The following PKP3 variants were observed in gnomAD, a reference collection of about 807,000 sequenced individuals.
The protein encoded by PKP3 is plakophilin 3.
PKP3 carries 66 observed loss-of-function variants against 76.5 expected under a neutral mutation model. The observed-to-expected ratio is 0.86, with a 90% confidence interval of 0.71 to 1.06. The LOEUF (loss-of-function observed/expected upper bound fraction) is 1.06. Among genes scored for constraint, PKP3 ranks in the 50% least tolerant of loss-of-function variants. PKP3 has a pLI of 0.00. For missense variants in PKP3, 1,338 were observed against 1,141.0 expected (o/e 1.17, Z -2.49); for synonymous variants, 638 against 516.5 (o/e 1.24, Z -3.19).
In PKP3 at chr11:394,448, C is replaced by T. The variant is rs1391005166; in HGVS notation, c.156C>T (p.Ala52=). 15 of 1,452,686 alleles carry T rather than the reference C, an allele frequency of 1.0e-5. No individual in the cohort carries two copies. Among genetic ancestry groups the T allele is most frequent in the East Asian group, 2.9e-5 (1 of 34,512 alleles). 90.0% of individuals were successfully genotyped at this position (1,452,686 alleles called of 1,614,324 possible). A position where few individuals can be genotyped will look rare whatever the true frequency, so the allele number is the denominator to read the frequency against. The change falls in exon 1 of 13, where the codon GCC becomes GCT. Residue 52 remains alanine, a synonymous_variant. Transcript: ENST00000331563. ...RAARVQEQVR[A]RLLQLGQQPR... ...CCCGCGTCCAGGAGCAGGTCCGCGC[C>T]CGCCTCTTGCAGCTGGGACAGCAGC... is the stretch of plus-strand genomic sequence containing the variant.
At chr11:399,473 A>C (rs1228220117) in intron 5 of PKP3, among the ~76,000 whole-genome samples, 3 of 5,024 alleles carry the variant, frequency 6.0e-4, no homozygotes, top group Admixed American at 6.2e-3. Flanking sequence ...TGTCCCCCCC[A>C]CCTGGCCCCC....
At chr11:394,100 G>A (rs1467647791), upstream of PKP3, 17 of 795,578 alleles carry the variant, frequency 2.1e-5, no homozygotes, top group South Asian at 1.7e-4. Flanking sequence ...AGCAGGCGGC[G>A]GCCCCTCCCT....
Position 400,323 on chromosome 11 carries a change from T to G in PKP3, c.1449-11T>G, listed in dbSNP as rs1385194420. On this transcript the variant is annotated splice_polypyrimidine_tract_variant and intron_variant, in intron 6 of 12. Coordinates refer to ENST00000331563, the MANE Select transcript of PKP3 (RefSeq NM_007183.4). ...GGTCCCTGGGGGGCTCTGATCCACCTCGGTCCCCAGGAACCTCAGCTCAGC... is the reference window on the plus strand; with the variant it reads ...GGTCCCTGGGGGGCTCTGATCCACCGCGGTCCCCAGGAACCTCAGCTCAGC... 2 of 1,543,052 alleles carry G rather than the reference T, an allele frequency of 1.3e-6. No homozygotes were observed. Among genetic ancestry groups the G allele is most frequent in the African/African-American group, 2.7e-5 (2 of 72,902 alleles).
Position 397,338 on chromosome 11 carries a change from A to G in PKP3, c.837A>G (p.Pro279=). 2 of 1,581,352 alleles carry G rather than the reference A, an allele frequency of 1.3e-6. No homozygotes were observed. The highest frequency in any genetic ancestry group is 1.7e-4 in the Middle Eastern group (1 of 5,896). ...GAVLEPVARA[P]SVRSLSLSLA... ...TCCTGGAGCCAGTGGCTCGAGCGCC[A>G]TCTGTGCGCAGCCTCAGCCTCAGCC... Residue 279 remains proline, a synonymous_variant, in exon 3 of 13, where the codon CCA becomes CCG. Coordinates refer to ENST00000331563, the MANE Select transcript of PKP3 (RefSeq NM_007183.4).
chr11:394,400 G>T lies in PKP3; in HGVS notation c.108G>T (p.Pro36=). The change falls in exon 1 of 13, where the codon CCG becomes CCT. Residue 36 remains proline, a synonymous_variant. Transcript: ENST00000331563. ...TGGACCGCCGGGGCGCCGAGGGGCC[G>T]GAGGCCGAGCGGCTGCGGGCAGCCC... ...LQLDRRGAEG[P]EAERLRAARV... 2.0e-6 allele frequency: 3 copies of T among 1,482,754 alleles called. No homozygotes were observed. Among genetic ancestry groups the T allele is most frequent in the South Asian group, 2.6e-5 (2 of 78,190 alleles). The allele number at this position is 1,482,754 out of a possible 1,614,324, so 91.8% of individuals were successfully genotyped here. A position where few individuals can be genotyped will look rare whatever the true frequency, so the allele number is the denominator to read the frequency against.
At position 399,151 on chromosome 11, in the gene PKP3, C is replaced by G; in HGVS notation, c.1228C>G (p.Arg410Gly). 1.2e-6 allele frequency: 2 copies of G among 1,610,800 alleles called. No individual in the cohort carries two copies. Among genetic ancestry groups the G allele is most frequent in the East Asian group, 2.2e-5 (1 of 44,790 alleles). The change falls in exon 5 of 13, where the codon CGG becomes GGG. Residue 410 changes from arginine (R) to glycine (G), a missense_variant. Arg to Gly is a moderately radical substitution (Grantham distance 125). Coordinates refer to ENST00000331563, the MANE Select transcript of PKP3 (RefSeq NM_007183.4). The stretch of plus-strand genomic sequence containing the variant: ...GGAGAACGGGATCTTCGAGCTGCTG[C>G]GGACACTGCGGGAGCAGGATGATGA... The part of the protein sequence containing the change: ...VEENGIFELL[R>G]TLREQDDELR...
Position 404,284 on chromosome 11 carries a change from C to A in PKP3, c.2319C>A (p.Asn773Lys), listed in dbSNP as rs1170422464. The A allele has an allele frequency of 2.5e-6, 4 of 1,612,550 alleles. No individual in the cohort carries two copies. Among genetic ancestry groups the A allele is most frequent in the Admixed American group, 1.7e-5 (1 of 59,998 alleles). Residue 773 changes from asparagine to lysine, a missense_variant, in exon 12 of 13, where the codon AAC (asparagine) becomes AAA (lysine). Coordinates refer to ENST00000331563, the MANE Select transcript of PKP3 (RefSeq NM_007183.4). The surrounding 1 kb of genome is among the most constrained non-coding windows in gnomAD (Gnocchi z 4.2). ...SSRAASSLLA[N>K]LWQYNKLHRD... ...GGGCAGCATCCAGCCTCCTGGCCAA[C>A]CTGTGGCAGTACAACAAGCTCCACC...
At chr11:393,814 C>T (rs1847006392), upstream of PKP3, among the ~76,000 whole-genome samples, 1 of 152,136 alleles carries the variant, frequency 6.6e-6, no homozygotes, top group South Asian at 2.1e-4. Flanking sequence ...ACCTAGGGCC[C>T]TAGACCCCCA....
intron 5 of PKP3, 49 bp from the exon 6 acceptor site, chr11:399,918 G>C: frequency 4.1e-6 from 6 of 1,477,754 alleles, no homozygotes; most frequent in Non-Finnish European, 5.5e-6. Flanking sequence ...CCAGAAACGC[G>C]GAGGGGGTTG....
chr11:397,231 C>G lies in PKP3; in HGVS notation c.730C>G (p.Arg244Gly). 2 of 1,599,432 alleles carry G rather than the reference C, an allele frequency of 1.3e-6. No homozygotes were observed. Among genetic ancestry groups the G allele is most frequent in the Non-Finnish European group, 1.7e-6 (2 of 1,178,822 alleles). ...ATEVSPSRTI[R>G]APAVRTLQRF... Reference sequence around the variant, plus strand: ...TGAGGTTTCCCCGAGCCGGACCATCCGTGCCCCTGCCGTGCGGACCCTGCA... The same window carrying G: ...TGAGGTTTCCCCGAGCCGGACCATCGGTGCCCCTGCCGTGCGGACCCTGCA... Residue 244 changes from arginine (R) to glycine (G), a missense_variant, in exon 3 of 13, where the codon CGT becomes GGT. Arg to Gly is a moderately radical substitution (Grantham distance 125). Coordinates refer to ENST00000331563, the MANE Select transcript of PKP3 (RefSeq NM_007183.4).
intron 1 of PKP3, 55 bp downstream of exon 1, chr11:394,579 G>A: frequency 7.6e-7 from 1 of 1,307,996 alleles, no homozygotes; most frequent in South Asian, 1.8e-5. Context: ...GTGGCTGCGG[G>A]CGGACGTGAT....
Position 394,275 on chromosome 11 carries a change from C to G in PKP3, c.-18C>G. On this transcript the variant is annotated 5_prime_UTR_variant, in exon 1 of 13. Coordinates refer to ENST00000331563, the MANE Select transcript of PKP3 (RefSeq NM_007183.4). ...TTTGGAGGCGGCCGCCAGGCCCAGG[C>G]CCGGTGGACCTGCCGCCATGCAGGA... 1 of 1,492,286 alleles carries G rather than the reference C, an allele frequency of 6.7e-7. No individual in the cohort carries two copies. The highest frequency in any genetic ancestry group is 8.9e-7 in the Non-Finnish European group (1 of 1,128,128). 92.4% of individuals were successfully genotyped at this position (1,492,286 alleles called of 1,614,324 possible).
Position 397,117 on chromosome 11 carries a change from G to T in PKP3, c.616G>T (p.Ala206Ser). The T allele has an allele frequency of 6.3e-7, 1 of 1,597,924 alleles. No homozygotes were observed. The highest frequency in any genetic ancestry group is 8.5e-7 in the Non-Finnish European group (1 of 1,179,254). The stretch of plus-strand genomic sequence containing the variant: ...GGTGTCTGAGCAGCTGGAGCCCGCG[G>T]CCACCTCCACCTACAGGGCCTTTGC... ...SLVSEQLEPA[A>S]TSTYRAFAYE... The change falls in exon 3 of 13, where the codon GCC becomes TCC. Residue 206 changes from alanine (A) to serine (S), a missense_variant. Ala to Ser is a moderately conservative substitution (Grantham distance 99). Transcript: ENST00000331563.
intron 1 of PKP3, 40 bp from the exon 2 acceptor site, chr11:396,568 C>A: frequency 7.1e-7 from 1 of 1,417,022 alleles, no homozygotes; most frequent in Non-Finnish European, 9.8e-7. Context: ...CAGTGCTTTG[C>A]TGTGTGGCAG....
Position 397,348 on chromosome 11 carries a change from A to T in PKP3, c.847A>T (p.Ser283Cys). ...EPVARAPSVR[S>C]LSLSLADSGH... ...AGTGGCTCGAGCGCCATCTGTGCGCAGCCTCAGCCTCAGCCTGGCTGACTC... is the reference window on the plus strand; with the variant it reads ...AGTGGCTCGAGCGCCATCTGTGCGCTGCCTCAGCCTCAGCCTGGCTGACTC... Residue 283 changes from serine (S) to cysteine (C), a missense_variant, in exon 3 of 13, where the codon AGC becomes TGC. Transcript: ENST00000331563. 6.3e-7 allele frequency: 1 copy of T among 1,589,374 alleles called. No homozygotes were observed.
In PKP3 at chr11:399,067, A is replaced by G. The variant is rs1421367105; in HGVS notation, c.1144A>G (p.Thr382Ala). The G allele has an allele frequency of 1.2e-6, 2 of 1,611,240 alleles. No homozygotes were observed. The highest frequency in any genetic ancestry group is 3.3e-5 in the Admixed American group (2 of 59,920). ...CAACCAGGAAGTGCAGCGCCATGCCACAGGTGCCATGCGCAACCTCATCTA... is the reference window on the plus strand; with the variant it reads ...CAACCAGGAAGTGCAGCGCCATGCCGCAGGTGCCATGCGCAACCTCATCTA... ...HANQEVQRHA[T>A]GAMRNLIYDN... Residue 382 changes from threonine to alanine, a missense_variant, in exon 5 of 13, where the codon ACA becomes GCA. Coordinates refer to ENST00000331563, the MANE Select transcript of PKP3 (RefSeq NM_007183.4).
Position 394,263 on chromosome 11 carries a change from G to T in PKP3, c.-30G>T, listed in dbSNP as rs1224024783. 2 of 1,468,422 alleles carry T rather than the reference G, an allele frequency of 1.4e-6. No individual in the cohort carries two copies. Among genetic ancestry groups the T allele is most frequent in the Non-Finnish European group, 1.8e-6 (2 of 1,116,528 alleles). 91.0% of individuals were successfully genotyped at this position (1,468,422 alleles called of 1,614,324 possible). On this transcript the variant is annotated 5_prime_UTR_variant, in exon 1 of 13. Coordinates refer to ENST00000331563, the MANE Select transcript of PKP3 (RefSeq NM_007183.4). The stretch of plus-strand genomic sequence containing the variant: ...AAGATAGTTGGGTTTGGAGGCGGCC[G>T]CCAGGCCCAGGCCCGGTGGACCTGC...
chr11:400,034 G>C lies in PKP3; in HGVS notation c.1341G>C (p.Gln447His), dbSNP rs1013868019. The change falls in exon 6 of 13, where the codon CAG (glutamine) becomes CAC (histidine). Residue 447 changes from glutamine to histidine, a missense_variant. Gln to His is a conservative substitution (Grantham distance 24). Transcript: ENST00000331563. ...KDRLARDTLE[Q>H]LTDLVLSPLS... Reference sequence around the variant, plus strand: ...GCCTGGCCAGAGACACGCTGGAGCAGCTCACAGACCTGGTGTTGAGCCCCC... The same window carrying C: ...GCCTGGCCAGAGACACGCTGGAGCACCTCACAGACCTGGTGTTGAGCCCCC... 5 of 1,608,242 alleles carry C rather than the reference G, an allele frequency of 3.1e-6. No individual in the cohort carries two copies. In the African/African-American group the frequency reaches 6.7e-5, roughly 21 times the overall value.
Position 396,818 on chromosome 11 carries a change from T to A in PKP3, c.317T>A (p.Phe106Tyr). ...QGLSGDKTSG[F>Y]RPIAKPAYSP... Reference sequence around the variant, plus strand: ...CCGCCCCCTCTCGACCCACAGGGCTTCCGGCCCATCGCCAAGCCGGCCTAC... The same window carrying A: ...CCGCCCCCTCTCGACCCACAGGGCTACCGGCCCATCGCCAAGCCGGCCTAC... Residue 106 changes from phenylalanine (F) to tyrosine (Y), a missense_variant, in exon 3 of 13, where the codon TTC becomes TAC. By Grantham distance (22) the Phe-to-Tyr change is conservative. Transcript: ENST00000331563. 6.3e-7 allele frequency: 1 copy of A among 1,585,046 alleles called. No homozygotes were observed. Among genetic ancestry groups the A allele is most frequent in the Non-Finnish European group, 8.5e-7 (1 of 1,170,296 alleles).
Sources: allele counts gnomAD v4.1 joint callset (sites outside exome capture counted in the v4.1 genomes callset), GRCh38; gene constraint gnomAD v4.1.1; non-coding constraint Gnocchi (gnomAD v3.1); transcripts MANE v1.5; gene names NCBI Gene and HGNC (gene_info 2026-07-23, HGNC 2026-07-21).